AGPAT5: variants seen among roughly 807,000 people sequenced by gnomAD.
The protein encoded by AGPAT5 is 1-acylglycerol-3-phosphate O-acyltransferase 5, also known as 1-acyl-sn-glycerol-3-phosphate acyltransferase epsilon.
In AGPAT5, 46 loss-of-function variants were observed where a neutral mutation model predicts 45.6. That is an observed-to-expected ratio of 1.01 (90% CI 0.80 to 1.29). AGPAT5 has a LOEUF of 1.29. AGPAT5 is among the 50% of genes most tolerant of loss of function. The probability of loss-of-function intolerance (pLI) is 0.00; values close to 1 mark genes in which losing one functional copy is unlikely to be tolerated. For synonymous variants in AGPAT5, 272 were observed against 167.0 expected, an observed-to-expected ratio of 1.63 and a Z score of -4.85; for missense variants, 673 against 450.7, an observed-to-expected ratio of 1.49 and a Z score of -4.47.
chr8:6,741,626 C>G, intron 4 of AGPAT5, 35 bp from the exon 5 acceptor site: 2 of 1,492,028 alleles, frequency 1.3e-6, no homozygotes, highest in Non-Finnish European at 1.8e-6. Context: ...ACAAAGCTCA[C>G]ACAAAATAAA....
At chr8:6,745,663 T>C (rs1383774805) in intron 5 of AGPAT5, 2 of 152,090 alleles carry the variant, frequency 1.3e-5, no homozygotes, top group Admixed American at 6.5e-5. Context: ...TACATTGGTT[T>C]CCCCCCTTTT....
intron 1 of AGPAT5, among the ~76,000 whole-genome samples, chr8:6,716,220 A>G (rs1002298581): frequency 6.6e-6 from 1 of 152,218 alleles, no homozygotes; most frequent in Non-Finnish European, 1.5e-5. Flanking sequence ...GGAGATGGCA[A>G]TAATGGGAAG....
At chr8:6,742,024 A>T (rs889211935) in intron 5 of AGPAT5, among the ~76,000 whole-genome samples, 1 of 152,194 alleles carries the variant, frequency 6.6e-6, no homozygotes, top group African/African-American at 2.4e-5. Flanking sequence ...ATCTAAGTAC[A>T]TGATTATGTA....
intron 1 of AGPAT5, among the ~76,000 whole-genome samples, chr8:6,718,590 T>G (rs544909289): frequency 6.6e-6 from 1 of 152,234 alleles, no homozygotes; most frequent in Admixed American, 6.5e-5. Context: ...CTGATTTTAC[T>G]GGGCAAGACT....
rs575336684 is a variant in AGPAT5, at chr8:6,757,625, C to T, written c.*237C>T. The T allele has an allele frequency of 3.7e-4, 166 of 444,456 alleles. No homozygotes were observed. In the East Asian group the frequency reaches 6.1e-3, roughly 16 times the overall value. The allele number at this position is 444,456 out of a possible 1,614,324, so 27.5% of individuals were successfully genotyped here. Reference sequence around the variant, plus strand: ...AGGGTAAAAGCTAAATGGAGTTTCTCCTGCTCTGTCCATTTCCTATGAACT... The same window carrying T: ...AGGGTAAAAGCTAAATGGAGTTTCTTCTGCTCTGTCCATTTCCTATGAACT... On this transcript the variant is annotated 3_prime_UTR_variant, in exon 8 of 8. Transcript: ENST00000285518.
At chr8:6,739,607 T>G (rs1801172427) in intron 4 of AGPAT5, among the ~76,000 whole-genome samples, 1 of 152,172 alleles carries the variant, frequency 6.6e-6, no homozygotes, top group Non-Finnish European at 1.5e-5. Flanking sequence ...GACTTTTTAA[T>G]ATACTAACCT....
At chr8:6,748,776 G>A (rs1801561628) in intron 6 of AGPAT5, among the ~76,000 whole-genome samples, 1 of 152,096 alleles carries the variant, frequency 6.6e-6, no homozygotes, top group African/African-American at 2.4e-5. Context: ...AATGAGCTTT[G>A]TGTTTTTACC....
intron 6 of AGPAT5, among the ~76,000 whole-genome samples, chr8:6,749,167 T>C (rs1339402103): frequency 6.6e-6 from 1 of 152,178 alleles, no homozygotes; most frequent in Non-Finnish European, 1.5e-5. Context: ...AAATGATTAG[T>C]CTGTTAAATA....
At chr8:6,730,651 A>G (rs965561403) in intron 2 of AGPAT5, 60 bp from the exon 3 acceptor site, 3 of 1,063,260 alleles carry the variant, frequency 2.8e-6, no homozygotes, top group Non-Finnish European at 4.3e-6. Flanking sequence ...TTTGAAGCCC[A>G]TTCATAGTAC....
intron 6 of AGPAT5, among the ~76,000 whole-genome samples, chr8:6,749,554 C>T (rs182807055): frequency 6.6e-6 from 1 of 152,250 alleles, no homozygotes; most frequent in Admixed American, 6.5e-5. Context: ...TAGCGATAAC[C>T]AGTTTTCTTA....
At chr8:6,726,030 A>G (rs867292838) in intron 2 of AGPAT5, among the ~76,000 whole-genome samples, 1 of 152,248 alleles carries the variant, frequency 6.6e-6, no homozygotes, top group Admixed American at 6.5e-5. Flanking sequence ...GGTTGAAGCT[A>G]CAAGGGGTTG....
At chr8:6,756,356 G>A (rs1215904907) in intron 7 of AGPAT5, among the ~76,000 whole-genome samples, 6 of 152,166 alleles carry the variant, frequency 3.9e-5, no homozygotes, top group Non-Finnish European at 7.3e-5. Flanking sequence ...GCTGGCTGTG[G>A]TGGCTCATGC....
chr8:6,714,061 T>C (rs1360981238), intron 1 of AGPAT5, among the ~76,000 whole-genome samples: 3 of 152,204 alleles, frequency 2.0e-5, no homozygotes, highest in Non-Finnish European at 4.4e-5. Flanking sequence ...TTATAAGTCA[T>C]CTAGTCTACT....
intron 4 of AGPAT5, among the ~76,000 whole-genome samples, chr8:6,734,689 T>C (rs143850345): frequency 5.3e-5 from 8 of 152,244 alleles, no homozygotes; most frequent in African/African-American, 1.4e-4. Flanking sequence ...CTGGGCCTTT[T>C]TTGTAAGACA....
intron 1 of AGPAT5, among the ~76,000 whole-genome samples, chr8:6,723,257 G>C (rs1800567579): frequency 6.6e-6 from 1 of 152,202 alleles, no homozygotes; most frequent in Non-Finnish European, 1.5e-5. Flanking sequence ...GGAGCTCATA[G>C]TCCCTAAGGG....
chr8:6,729,428 G>A (rs1279502841), intron 2 of AGPAT5, among the ~76,000 whole-genome samples: 1 of 150,826 alleles, frequency 6.6e-6, no homozygotes, highest in Non-Finnish European at 1.5e-5. Context: ...GGTGATGATA[G>A]AATTATTCTT....
intron 1 of AGPAT5, among the ~76,000 whole-genome samples, chr8:6,722,847 G>T (rs535337740): frequency 3.3e-5 from 5 of 152,002 alleles, no homozygotes; most frequent in African/African-American, 1.2e-4. Context: ...TTTCTGTAGG[G>T]GATGTCTGAT....
At chr8:6,746,892 G>A (rs1011976762) in intron 5 of AGPAT5, among the ~76,000 whole-genome samples, 9 of 152,214 alleles carry the variant, frequency 5.9e-5, no homozygotes, top group Non-Finnish European at 8.8e-5. Context: ...TAATAGGAAG[G>A]AGAGAAGAAC....
chr8:6,721,270 G>T (rs941367331), intron 1 of AGPAT5, among the ~76,000 whole-genome samples: 1 of 152,188 alleles, frequency 6.6e-6, no homozygotes, highest in South Asian at 2.1e-4. Flanking sequence ...AAAAGTTCAA[G>T]TAATTATAAA....
Sources: gnomAD v4.1 joint callset for allele counts (sites outside exome capture counted in the v4.1 genomes callset) on GRCh38, gnomAD v4.1.1 for gene constraint, MANE v1.5 for transcripts, NCBI Gene and HGNC (gene_info 2026-07-23, HGNC 2026-07-21) for gene names.